The following ZBBX variants were observed in gnomAD, a reference collection of about 807,000 sequenced individuals.
The protein encoded by ZBBX is zinc finger B-box domain containing.
A neutral mutation model predicts 108.5 loss-of-function variants in ZBBX; 101 were observed. The ratio of observed to expected loss-of-function variants is 0.93; its 90% CI spans 0.79 to 1.10. ZBBX has a LOEUF of 1.10. Ranked by LOEUF, ZBBX falls within the 50% of genes least tolerant of loss-of-function variation. The pLI is 0.00. For synonymous variants in ZBBX, 356 were observed against 323.4 expected (o/e 1.10, Z -1.08); for missense variants, 1,009 against 941.4 (o/e 1.07, Z -0.94).
chr3:167,352,469 G>A (rs1207997343), intron 8 of ZBBX, among the ~76,000 whole-genome samples: 3 of 151,940 alleles, frequency 2.0e-5, no homozygotes, highest in Non-Finnish European at 4.4e-5. Context: ...AATATGAGTA[G>A]TGACGTTGTA....
chr3:167,270,813 G>T (rs140379970), intron 20 of ZBBX, among the ~76,000 whole-genome samples: 3 of 152,322 alleles, frequency 2.0e-5, no homozygotes, highest in East Asian at 3.9e-4. Context: ...GGAAAAAGAT[G>T]ATTTAACCTT....
chr3:167,273,236 T>C (rs963370032), intron 20 of ZBBX, among the ~76,000 whole-genome samples: 3 of 152,194 alleles, frequency 2.0e-5, no homozygotes, highest in African/African-American at 7.2e-5. Flanking sequence ...GATATCAAGA[T>C]GTAAACGCCT....
chr3:167,197,394 C>T, the ZBBX span, among the ~76,000 whole-genome samples: 6 of 151,946 alleles, frequency 3.9e-5, no homozygotes, highest in African/African-American at 1.2e-4. Context: ...AAAAATTAGC[C>T]GGGTGTGGTG....
the ZBBX span, among the ~76,000 whole-genome samples, chr3:167,207,471 G>A: frequency 6.6e-6 from 1 of 152,092 alleles, no homozygotes; most frequent in East Asian, 1.9e-4. Flanking sequence ...TATTATCCAA[G>A]CCATAGATCT....
At chr3:167,364,119 G>A (rs1294843185) in intron 6 of ZBBX, among the ~76,000 whole-genome samples, 1 of 151,634 alleles carries the variant, frequency 6.6e-6, no homozygotes, top group Non-Finnish European at 1.5e-5. Flanking sequence ...CTTTGTTGTG[G>A]GGATTGTCAA....
chr3:167,351,738 A>G (rs899527102), intron 8 of ZBBX, among the ~76,000 whole-genome samples: 3 of 152,136 alleles, frequency 2.0e-5, no homozygotes, highest in Non-Finnish European at 4.4e-5. Flanking sequence ...CCATACCCCA[A>G]GGGTCTGAGT....
In ZBBX at chr3:167,273,709, C is replaced by T. The variant is rs189867153; in HGVS notation, c.2254+8529G>A. On this transcript the variant is annotated intron_variant, in intron 20 of 21. Coordinates refer to ENST00000675490, the MANE Select transcript of ZBBX (RefSeq NM_001199201.2). ...ACTGGAGCGGTACTTGTGCTCTTGTCCAATTGGCTATCCCTTTCACCCTGG... is the reference window on the plus strand; with the variant it reads ...ACTGGAGCGGTACTTGTGCTCTTGTTCAATTGGCTATCCCTTTCACCCTGG... Among the ~76,000 whole-genome samples the T allele has an allele frequency of 1.3e-3, 194 of 152,180 alleles. 1 individual carries two copies. The highest frequency in any genetic ancestry group is 2.3e-3 in the Admixed American group (35 of 15,296).
intron 13 of ZBBX, 93 bp downstream of exon 13, chr3:167,317,390 ATATAT>A (rs1735642863): frequency 1.1e-6 from 1 of 869,798 alleles, no homozygotes; most frequent in East Asian, 2.7e-5. Flanking sequence ...ACTGAGAATA[ATATAT>A]TAAAGAAAAC....
chr3:167,206,876 G>A, the ZBBX span, among the ~76,000 whole-genome samples: 1 of 152,018 alleles, frequency 6.6e-6, no homozygotes, highest in African/African-American at 2.4e-5. Context: ...CCAAGGAGAC[G>A]CAATGGGGAA....
intron 11 of ZBBX, among the ~76,000 whole-genome samples, chr3:167,326,645 C>A (rs1737428361): frequency 6.6e-6 from 1 of 151,658 alleles, no homozygotes; most frequent in Non-Finnish European, 1.5e-5. Context: ...CATGAAGTAG[C>A]AAGCATAAAG....
chr3:167,385,549 T>A (rs929434872), intron 1 of ZBBX, among the ~76,000 whole-genome samples: 4 of 152,040 alleles, frequency 2.6e-5, no homozygotes, highest in African/African-American at 9.7e-5. Flanking sequence ...TTTATAAACT[T>A]ATAATTTTTT....
intron 1 of ZBBX, among the ~76,000 whole-genome samples, chr3:167,405,084 C>T (rs896598500): frequency 6.6e-6 from 1 of 152,098 alleles, no homozygotes; most frequent in African/African-American, 2.4e-5. Context: ...TTATTAAAAA[C>T]ATTGTGAAGA....
chr3:167,407,062 A>G (rs1748606950), intron 1 of ZBBX, among the ~76,000 whole-genome samples: 2 of 152,186 alleles, frequency 1.3e-5, no homozygotes, highest in South Asian at 4.1e-4. Flanking sequence ...TCAAGTGGTC[A>G]CAGAGTTAAT....
chr3:167,363,503 G>T (rs911893434), intron 6 of ZBBX, among the ~76,000 whole-genome samples: 1 of 151,700 alleles, frequency 6.6e-6, no homozygotes. Context: ...CACCTTTCTT[G>T]TCTCACACAC....
the ZBBX span, among the ~76,000 whole-genome samples, chr3:167,193,987 T>C: frequency 6.6e-6 from 1 of 152,008 alleles, no homozygotes; most frequent in South Asian, 2.1e-4. Flanking sequence ...TTGGGGGAAG[T>C]TGAAGAGAGG....
chr3:167,329,746 G>A (rs1738091057), intron 10 of ZBBX, among the ~76,000 whole-genome samples: 1 of 152,138 alleles, frequency 6.6e-6, no homozygotes, highest in South Asian at 2.1e-4. Context: ...AATATAAAGG[G>A]TAGAAAGGAA....
At chr3:167,191,465 G>A in the ZBBX span, among the ~76,000 whole-genome samples, 11 of 152,262 alleles carry the variant, frequency 7.2e-5, no homozygotes, top group Middle Eastern at 6.8e-3. Context: ...CCAGTGGGAG[G>A]TGATTAAATT....
intron 9 of ZBBX, among the ~76,000 whole-genome samples, chr3:167,348,948 T>C (rs1174292527): frequency 6.6e-6 from 1 of 152,060 alleles, no homozygotes; most frequent in African/African-American, 2.4e-5. Context: ...TTTCAGTAAT[T>C]ATTTGACTGG....
intron 9 of ZBBX, among the ~76,000 whole-genome samples, chr3:167,346,013 T>G (rs745664749): frequency 1.3e-5 from 2 of 151,952 alleles, no homozygotes; most frequent in African/African-American, 4.8e-5. Context: ...ACTTCACAAA[T>G]AGAATGCTTT....
Sources: gnomAD v4.1 joint callset for allele counts (sites outside exome capture counted in the v4.1 genomes callset) on GRCh38, gnomAD v4.1.1 for gene constraint, MANE v1.5 for transcripts, NCBI Gene and HGNC (gene_info 2026-07-23, HGNC 2026-07-21) for gene names.